The following WDR70 variants were observed in gnomAD, a reference collection of about 807,000 sequenced individuals.
WDR70 encodes the protein WD repeat-containing protein 70.
In WDR70, 53 loss-of-function variants were observed where a neutral mutation model predicts 88.6. The ratio of observed to expected loss-of-function variants is 0.60; its 90% confidence interval spans 0.48 to 0.75. The LOEUF (loss-of-function observed/expected upper bound fraction) is 0.75, where lower values mean the gene tolerates loss of function less well. Among genes scored for constraint, WDR70 ranks in the 30% least tolerant of loss-of-function variants. The pLI, the probability that WDR70 is intolerant of heterozygous loss-of-function variation, is 0.00. For missense variants in WDR70, 610 were observed against 823.2 expected (o/e 0.74, Z 3.17); for synonymous variants, 280 against 270.0 (o/e 1.04, Z -0.36).
At chr5:37,559,371 C>T (rs1742416532) in intron 9 of WDR70, among the ~76,000 whole-genome samples, 1 of 152,162 alleles carries the variant, frequency 6.6e-6, no homozygotes, top group Admixed American at 6.5e-5. Context: ...CTCTCTTCTA[C>T]CTCCTTTCTG....
chr5:37,724,678 T>C (rs1232972656), intron 15 of WDR70: 3 of 373,792 alleles, frequency 8.0e-6, no homozygotes, highest in Non-Finnish European at 1.4e-5. Flanking sequence ...GTTTGGGAGA[T>C]GGGGAGCCTC....
intron 10 of WDR70, among the ~76,000 whole-genome samples, chr5:37,645,183 ATT>A (rs946315514): frequency 1.7e-5 from 2 of 117,460 alleles, no homozygotes; most frequent in Admixed American, 8.3e-5. Context: ...TTCTGGTACC[ATT>A]TTTTTTTTTC....
At chr5:37,489,728 G>C (rs1290248648) in intron 8 of WDR70, among the ~76,000 whole-genome samples, 1 of 152,008 alleles carries the variant, frequency 6.6e-6, no homozygotes. Flanking sequence ...AGGGCACTTG[G>C]TTGGGGTGAC....
At chr5:37,474,985 C>G (rs1739434573) in intron 7 of WDR70, among the ~76,000 whole-genome samples, 1 of 152,010 alleles carries the variant, frequency 6.6e-6, no homozygotes, top group Admixed American at 6.6e-5. Flanking sequence ...GTGGCATGAT[C>G]TCAGCTCACC....
intron 16 of WDR70, 21 bp from the exon 17 acceptor site, chr5:37,726,862 G>GT (rs772648856): frequency 3.4e-5 from 54 of 1,571,594 alleles, no homozygotes; most frequent in South Asian, 1.3e-4. Context: ...TTCTAATTTG[G>GT]TTTTTTTTCT....
chr5:37,542,568 A>G lies in WDR70; in HGVS notation c.917+25978A>G, dbSNP rs1219806746. ...AGTGCTGGGATTCCAGGTGTGAGCCAATGTGCCCCGGCCCACTTTAGTTTC... is the reference window on the plus strand; with the variant it reads ...AGTGCTGGGATTCCAGGTGTGAGCCGATGTGCCCCGGCCCACTTTAGTTTC... On this transcript the variant is annotated intron_variant, in intron 9 of 17. Transcript: ENST00000265107. Among the ~76,000 whole-genome samples the G allele has an allele frequency of 2.6e-5, 4 of 152,106 alleles. No homozygotes were observed. The East Asian group carries it at 7.7e-4, about 29-fold the overall frequency.
chr5:37,416,045 G>A (rs1427819917), intron 5 of WDR70, among the ~76,000 whole-genome samples: 1 of 149,346 alleles, frequency 6.7e-6, no homozygotes, highest in African/African-American at 2.5e-5. Context: ...CCAGGCAGAG[G>A]GGCTCCTCAC....
chr5:37,554,314 T>C (rs371336465), intron 9 of WDR70, among the ~76,000 whole-genome samples: 1 of 152,108 alleles, frequency 6.6e-6, no homozygotes, highest in Non-Finnish European at 1.5e-5. Flanking sequence ...TCATAAAATA[T>C]ATGTGTATGT....
chr5:37,597,119 C>T (rs1743726429), intron 9 of WDR70, among the ~76,000 whole-genome samples: 1 of 152,070 alleles, frequency 6.6e-6, no homozygotes, highest in African/African-American at 2.4e-5. Context: ...GGGTTGTTTC[C>T]AGTTTGGGGC....
chr5:37,506,391 T>A, intron 8 of WDR70: 2 of 785,236 alleles, frequency 2.5e-6, no homozygotes, highest in Non-Finnish European at 4.7e-6. Flanking sequence ...TACAATGAGC[T>A]GTCCATGACA....
At chr5:37,570,340 A>G (rs894335210) in intron 9 of WDR70, among the ~76,000 whole-genome samples, 1 of 152,092 alleles carries the variant, frequency 6.6e-6, no homozygotes, top group African/African-American at 2.4e-5. Context: ...GAGGAAGACA[A>G]TGTAATTTTC....
At chr5:37,390,996 A>G (rs985012107) in intron 3 of WDR70, among the ~76,000 whole-genome samples, 5 of 152,148 alleles carry the variant, frequency 3.3e-5, no homozygotes, top group South Asian at 2.1e-4. Context: ...GATTACAAGC[A>G]TGAGCCACTG....
At chr5:37,387,649 GT>G (rs35840030) in intron 3 of WDR70, among the ~76,000 whole-genome samples, 116,527 of 146,304 alleles carry the variant, frequency 0.8, 46,266 homozygotes, top group East Asian at 0.87. Flanking sequence ...ATTCATAAGA[GT>G]TTTTTTTTTT....
At chr5:37,398,983 A>G (rs1749113352) in intron 5 of WDR70, among the ~76,000 whole-genome samples, 1 of 151,998 alleles carries the variant, frequency 6.6e-6, no homozygotes, top group South Asian at 2.1e-4. Context: ...CTCTACTAAG[A>G]AAATACAAAA....
At chr5:37,502,171 AG>A (rs1177000590) in intron 8 of WDR70, among the ~76,000 whole-genome samples, 2 of 152,002 alleles carry the variant, frequency 1.3e-5, no homozygotes, top group Admixed American at 6.5e-5. Context: ...GTATACTGCT[AG>A]GTTTCCTTTT....
chr5:37,482,920 A>G (rs1739716858), intron 8 of WDR70, among the ~76,000 whole-genome samples: 1 of 152,078 alleles, frequency 6.6e-6, no homozygotes, highest in South Asian at 2.1e-4. Context: ...TGTGGTACAC[A>G]CTTACAGTCC....
At chr5:37,463,045 G>T (rs1307373026) in intron 7 of WDR70, among the ~76,000 whole-genome samples, 4 of 152,040 alleles carry the variant, frequency 2.6e-5, no homozygotes, top group Admixed American at 6.5e-5. Flanking sequence ...AGGCCAAGGT[G>T]GGCGGAACAC....
At chr5:37,552,305 A>G (rs546287816) in intron 9 of WDR70, among the ~76,000 whole-genome samples, 1 of 152,324 alleles carries the variant, frequency 6.6e-6, no homozygotes, top group Admixed American at 6.5e-5. Flanking sequence ...CTTGAAACAT[A>G]AATTCAACAT....
At chr5:37,667,123 C>T (rs1745875918) in intron 10 of WDR70, among the ~76,000 whole-genome samples, 1 of 152,078 alleles carries the variant, frequency 6.6e-6, no homozygotes, top group African/African-American at 2.4e-5. Context: ...TGAATTTATA[C>T]TAGACTTTTT....
Sources: allele counts gnomAD v4.1 joint callset (sites outside exome capture counted in the v4.1 genomes callset), GRCh38; gene constraint gnomAD v4.1.1; transcripts MANE v1.5; gene names NCBI Gene and HGNC (gene_info 2026-07-23, HGNC 2026-07-21).